RPAP2: variants seen among roughly 807,000 people sequenced by gnomAD.
The protein encoded by RPAP2 is putative RNA polymerase II subunit B1 CTD phosphatase RPAP2.
A neutral mutation model predicts 73.1 loss-of-function variants in RPAP2; 52 were observed. The observed-to-expected ratio is 0.71, with a 90% CI of 0.57 to 0.90. The LOEUF is 0.90. Ranked by LOEUF, RPAP2 falls within the 40% of genes least tolerant of loss-of-function variation. The pLI is 0.00. For synonymous variants in RPAP2, 225 were observed against 242.1 expected (o/e 0.93, Z 0.65); for missense variants, 598 against 701.8 (o/e 0.85, Z 1.67).
intron 6 of RPAP2, among the ~76,000 whole-genome samples, chr1:92,314,348 T>C (rs373539490): frequency 7.5e-5 from 11 of 147,332 alleles, no homozygotes; most frequent in African/African-American, 2.9e-4. Flanking sequence ...TTTTGGTTTT[T>C]GGGTTTTTTT....
At chr1:92,309,959 T>C (rs1651493024) in intron 6 of RPAP2, among the ~76,000 whole-genome samples, 1 of 152,160 alleles carries the variant, frequency 6.6e-6, no homozygotes, top group African/African-American at 2.4e-5. Flanking sequence ...ACAAAATGAA[T>C]TAAAGAAGAA....
rs35101382 is a variant in RPAP2 at position 92,330,439 on chromosome 1, A to ATTTT, written c.1456-2928_1456-2925dup. Among the ~76,000 whole-genome samples, 77 of 61,464 alleles carry ATTTT rather than the reference A, an allele frequency of 1.3e-3. 5 individuals are homozygous for ATTTT. Among genetic ancestry groups the ATTTT allele is most frequent in the African/African-American group, 4.2e-3 (59 of 14,214 alleles). The allele number at this position is 61,464 out of a possible 152,430, so 40.3% of individuals were successfully genotyped here. On this transcript the variant is annotated intron_variant, in intron 8 of 12. Coordinates refer to ENST00000610020, the MANE Select transcript of RPAP2 (RefSeq NM_024813.3). ...CTCTGATTTTCTTTGTGGGTTGTCA[A>ATTTT]TTTTTTTTTTTTTTTTTTTTTTTTT...
intron 2 of RPAP2, 60 bp downstream of exon 2, chr1:92,300,299 C>G: frequency 7.9e-7 from 1 of 1,271,144 alleles, no homozygotes; most frequent in South Asian, 1.3e-5. Flanking sequence ...TTACTTGTAC[C>G]AATTTTAAAA....
chr1:92,393,977 C>CAT lies in RPAP2; in HGVS notation c.*6970_*6971dup, dbSNP rs1198198407. On this transcript the variant is annotated 3_prime_UTR_variant, in exon 13 of 13. Coordinates refer to ENST00000610020, the MANE Select transcript of RPAP2 (RefSeq NM_024813.3). ...TTGACCCAGCAATCCCACTATTGGG[C>CAT]ATATACCCAAAAGATTATAAATCAT... 6.6e-6 allele frequency: 1 copy of CAT among 152,092 alleles called. No individual in the cohort carries two copies. Among genetic ancestry groups the CAT allele is most frequent in the Non-Finnish European group, 1.5e-5 (1 of 68,018 alleles). 9.4% of individuals were successfully genotyped at this position (152,092 alleles called of 1,614,324 possible). A position where few individuals can be genotyped will look rare whatever the true frequency, so the allele number is the denominator to read the frequency against.
At chr1:92,359,515 T>C (rs2004814) in intron 11 of RPAP2, among the ~76,000 whole-genome samples, 40,811 of 152,096 alleles carry the variant, frequency 0.27, 6,651 homozygotes, top group Non-Finnish European at 0.35. Context: ...AGACAGGATT[T>C]TACCATGTTG....
At position 92,351,165 on chromosome 1, in the gene RPAP2, G is replaced by C. The variant is rs191161874; in HGVS notation, c.1688+5251G>C. Among the ~76,000 whole-genome samples, 3 of 151,552 alleles carry C rather than the reference G, an allele frequency of 2.0e-5. No homozygotes were observed. In the East Asian group the frequency reaches 5.9e-4, roughly 30 times the overall value. On this transcript the variant is annotated intron_variant, in intron 11 of 12. Coordinates refer to ENST00000610020, the MANE Select transcript of RPAP2 (RefSeq NM_024813.3). ...CTCCTAAAAATACAAAAATTAGCTG[G>C]GTGTGGTGGCATGTGCCTGTAATCC... is the stretch of plus-strand genomic sequence containing the variant.
At chr1:92,337,745 T>C (rs941552036) in intron 10 of RPAP2, among the ~76,000 whole-genome samples, 1 of 152,136 alleles carries the variant, frequency 6.6e-6, no homozygotes, top group Non-Finnish European at 1.5e-5. Context: ...ATATATAATT[T>C]AGGAATTTTT....
In RPAP2 at chr1:92,393,177, C is replaced by G. The variant is rs1222961628; in HGVS notation, c.*6166C>G. ...AATGGAGGCCTCAGAAATAACACCA[C>G]ACGTCTACCACCATCTGATCTTTGA... is the stretch of plus-strand genomic sequence containing the variant. On this transcript the variant is annotated 3_prime_UTR_variant, in exon 13 of 13. Transcript: ENST00000610020. The G allele has an allele frequency of 2.0e-5, 3 of 152,158 alleles. No homozygotes were observed. The highest frequency in any genetic ancestry group is 4.4e-5 in the Non-Finnish European group (3 of 68,030). 9.4% of individuals were successfully genotyped at this position (152,158 alleles called of 1,614,324 possible).
At chr1:92,358,906 A>G (rs1353194581) in intron 11 of RPAP2, among the ~76,000 whole-genome samples, 1 of 152,068 alleles carries the variant, frequency 6.6e-6, no homozygotes, top group Non-Finnish European at 1.5e-5. Context: ...TTAAATTTAA[A>G]AAAAACAAAA....
chr1:92,325,961 T>C (rs943756025), intron 8 of RPAP2, among the ~76,000 whole-genome samples: 2 of 152,170 alleles, frequency 1.3e-5, no homozygotes, highest in African/African-American at 4.8e-5. Context: ...TATTTCCAAT[T>C]TGGGGCTATT....
In RPAP2 at chr1:92,299,104, G is replaced by A. The variant is rs764666965; in HGVS notation, c.31G>A (p.Gly11Ser). The A allele has an allele frequency of 9.9e-6, 15 of 1,520,868 alleles. No individual in the cohort carries two copies. In the Admixed American group the frequency reaches 1.9e-4, roughly 19 times the overall value. The allele number at this position is 1,520,868 out of a possible 1,614,324, so 94.2% of individuals were successfully genotyped here. Residue 11 changes from glycine (G) to serine (S), a missense_variant, in exon 1 of 13, where the codon GGC becomes AGC. Coordinates refer to ENST00000610020, the MANE Select transcript of RPAP2 (RefSeq NM_024813.3). ...GGACTTCGCTGGGCCGTCTTCTGCC[G>A]GCCGCAAGGCCGGGGCTCCCCGCTG... MADFAGPSSA[G>S]RKAGAPRCSR...
rs2101436954 is a variant in RPAP2, at chr1:92,376,238, T to G, written c.1689-4486T>G. Among the ~76,000 whole-genome samples, 5 of 152,212 alleles carry G rather than the reference T, an allele frequency of 3.3e-5. 1 individual carries two copies. Among genetic ancestry groups the G allele is most frequent in the Admixed American group, 3.3e-4 (5 of 15,292 alleles). Reference sequence around the variant, plus strand: ...TTTTATATCAAGGACCTGGGCATCCTCAGAATTTGATTTCCATGGGAGGTC... The same window carrying G: ...TTTTATATCAAGGACCTGGGCATCCGCAGAATTTGATTTCCATGGGAGGTC... On this transcript the variant is annotated intron_variant, in intron 11 of 12. Transcript: ENST00000610020.
At chr1:92,367,139 C>T (rs1481765118) in intron 11 of RPAP2, among the ~76,000 whole-genome samples, 1 of 152,164 alleles carries the variant, frequency 6.6e-6, no homozygotes, top group Non-Finnish European at 1.5e-5. Flanking sequence ...ATTCCTTTAC[C>T]ATCTCCAAAG....
At chr1:92,346,018 T>A in intron 11 of RPAP2, 104 bp downstream of exon 11, 1 of 745,732 alleles carries the variant, frequency 1.3e-6, no homozygotes, top group Non-Finnish European at 2.3e-6. Context: ...TTGGAAAATA[T>A]CATACCTCTA....
Position 92,336,332 on chromosome 1 carries a change from T to C in RPAP2, c.1539-15T>C, listed in dbSNP as rs768881054. The C allele has an allele frequency of 1.3e-6, 2 of 1,583,782 alleles. No homozygotes were observed. Among genetic ancestry groups the C allele is most frequent in the East Asian group, 2.2e-5 (1 of 44,540 alleles). ...TAATTTTGTTTTAAAATAAATGTAA[T>C]TTTTAAATTTTCAGGTTGCCTGGGC... is the stretch of plus-strand genomic sequence containing the variant. On this transcript the variant is annotated splice_polypyrimidine_tract_variant and intron_variant, in intron 9 of 12. Coordinates refer to ENST00000610020, the MANE Select transcript of RPAP2 (RefSeq NM_024813.3).
At chr1:92,378,647 A>G (rs1655492975) in intron 11 of RPAP2, among the ~76,000 whole-genome samples, 1 of 152,178 alleles carries the variant, frequency 6.6e-6, no homozygotes, top group African/African-American at 2.4e-5. Context: ...ATGGGGAAGT[A>G]GCAACTTAAT....
intron 7 of RPAP2, among the ~76,000 whole-genome samples, chr1:92,321,390 A>G (rs1652249327): frequency 6.6e-6 from 1 of 152,192 alleles, no homozygotes; most frequent in Admixed American, 6.5e-5. Context: ...TCTAACTAAA[A>G]GATGGTATCT....
chr1:92,355,499 G>C (rs1391084515), intron 11 of RPAP2, among the ~76,000 whole-genome samples: 1 of 152,164 alleles, frequency 6.6e-6, no homozygotes, highest in African/African-American at 2.4e-5. Flanking sequence ...TTTTGCAAAT[G>C]GAGTTCCATG....
rs577574089 is a variant in RPAP2 at position 92,301,193 on chromosome 1, CAG to C, written c.120-281_120-280del. 2.8e-3 allele frequency among the ~76,000 whole-genome samples: 424 copies of C among 152,240 alleles called. 5 individuals carry two copies. Among genetic ancestry groups the C allele is most frequent in the Middle Eastern group, 3.4e-3 (1 of 294 alleles). Reference sequence around the variant, plus strand: ...GATCAAAAGTAACAGCATTAGAAAACAGAAATTTGGCCGGATGTGGTGGCTTA... The same window carrying C: ...GATCAAAAGTAACAGCATTAGAAAACAAATTTGGCCGGATGTGGTGGCTTA... On this transcript the variant is annotated intron_variant, in intron 2 of 12. Transcript: ENST00000610020.
Sources: allele counts gnomAD v4.1 joint callset (sites outside exome capture counted in the v4.1 genomes callset), GRCh38; gene constraint gnomAD v4.1.1; transcripts MANE v1.5; gene names NCBI Gene and HGNC (gene_info 2026-07-23, HGNC 2026-07-21).